PLXDC2: variants seen among roughly 807,000 people sequenced by gnomAD.
The protein encoded by PLXDC2 is plexin domain containing 2, also known as plexin domain-containing protein 2.
A neutral mutation model predicts 68.9 loss-of-function variants in PLXDC2; 40 were observed. The observed-to-expected ratio is 0.58, with a 90% CI of 0.45 to 0.76. The LOEUF is 0.76. Ranked by LOEUF, PLXDC2 falls within the 30% of genes least tolerant of loss-of-function variation. The pLI, the probability that PLXDC2 is intolerant of heterozygous loss-of-function variation, is 0.00. For synonymous variants in PLXDC2, 243 were observed against 234.2 expected (o/e 1.04, Z -0.34); for missense variants, 644 against 661.9 (o/e 0.97, Z 0.30).
intron 6 of PLXDC2, among the ~76,000 whole-genome samples, chr10:20,148,278 C>T (rs1196013880): frequency 5.2e-5 from 7 of 135,666 alleles, no homozygotes; most frequent in Admixed American, 1.5e-4. Context: ...TTTTTTTTTT[C>T]ACCTGGTTGA....
At chr10:20,076,037 C>A (rs569612433) in intron 4 of PLXDC2, among the ~76,000 whole-genome samples, 33 of 152,136 alleles carry the variant, frequency 2.2e-4, no homozygotes, top group Non-Finnish European at 4.6e-4. Flanking sequence ...AGCAGTAATT[C>A]AGATAAATAG....
At chr10:20,156,971 G>T (rs1834225165) in intron 6 of PLXDC2, among the ~76,000 whole-genome samples, 1 of 152,194 alleles carries the variant, frequency 6.6e-6, no homozygotes, top group Non-Finnish European at 1.5e-5. Flanking sequence ...CCAGGCTGGA[G>T]TGCAATGGCA....
rs10082376 is a variant in PLXDC2, at chr10:20,186,557, C to G, written c.1061+9148C>G. ...CAATAGTTACTTTTTCTGATCCTCT[C>G]CATCCTCCCACCCTCCGCCCTCTGG... On this transcript the variant is annotated intron_variant, in intron 9 of 13. Coordinates refer to ENST00000377252, the MANE Select transcript of PLXDC2 (RefSeq NM_032812.9). 8.4e-3 allele frequency among the ~76,000 whole-genome samples: 1,280 copies of G among 151,990 alleles called. 16 individuals are homozygous for G. Among genetic ancestry groups the G allele is most frequent in the African/African-American group, 0.029 (1,199 of 41,494 alleles).
intron 4 of PLXDC2, among the ~76,000 whole-genome samples, chr10:20,126,458 C>CACACATGTTATATATGTATATAG (rs1833784119): frequency 6.0e-5 from 1 of 16,700 alleles, no homozygotes; most frequent in African/African-American, 1.3e-4. Context: ...TATGTATATA[C>CACACATGTTATATATGTATATAG]AACACACGTT....
chr10:20,254,724 C>T (rs977987218), intron 13 of PLXDC2, among the ~76,000 whole-genome samples: 3 of 151,930 alleles, frequency 2.0e-5, no homozygotes, highest in Admixed American at 2.0e-4. Flanking sequence ...GACAGCTTTC[C>T]AGAAATATAG....
intron 1 of PLXDC2, among the ~76,000 whole-genome samples, chr10:19,994,090 A>G (rs1379914602): frequency 6.6e-6 from 1 of 152,100 alleles, no homozygotes; most frequent in East Asian, 1.9e-4. Flanking sequence ...CTCCAAAAAG[A>G]CATGTGTTAT....
chr10:20,229,927 GA>G (rs1191588140), intron 12 of PLXDC2, among the ~76,000 whole-genome samples: 1 of 151,336 alleles, frequency 6.6e-6, no homozygotes, highest in Admixed American at 6.6e-5. Context: ...AGCCACTAAA[GA>G]AAAAAAATGC....
intron 2 of PLXDC2, among the ~76,000 whole-genome samples, chr10:20,044,249 CT>C (rs1207059868): frequency 8.5e-6 from 1 of 116,982 alleles, no homozygotes; most frequent in African/African-American, 3.8e-5. Flanking sequence ...TTCTTTCTTT[CT>C]TTCTTTCTTT....
chr10:20,179,667 T>C (rs1437290231), intron 9 of PLXDC2, among the ~76,000 whole-genome samples: 1 of 152,134 alleles, frequency 6.6e-6, no homozygotes, highest in African/African-American at 2.4e-5. Context: ...ATGAAATATA[T>C]GTTTAAACTT....
At chr10:20,143,935 T>C (rs756477418) in intron 5 of PLXDC2, among the ~76,000 whole-genome samples, 2 of 152,078 alleles carry the variant, frequency 1.3e-5, no homozygotes, top group Non-Finnish European at 2.9e-5. Flanking sequence ...TGAGAGCCTG[T>C]CAAGATTTAT....
rs1833576390 is a variant in PLXDC2 at position 20,112,861 on chromosome 10, A to G, written c.542-30434A>G. Among the ~76,000 whole-genome samples the G allele has an allele frequency of 2.6e-5, 4 of 152,250 alleles. No homozygotes were observed. The South Asian group carries it at 8.3e-4, about 32-fold the overall frequency. Reference sequence around the variant, plus strand: ...AAACACATTGCCAACAGGAAAATTAATGCTTTTATCAAATAAGCTCATTGC... The same window carrying G: ...AAACACATTGCCAACAGGAAAATTAGTGCTTTTATCAAATAAGCTCATTGC... On this transcript the variant is annotated intron_variant, in intron 4 of 13. Transcript: ENST00000377252.
At chr10:20,144,574 ATTCTC>A (rs1240716085) in intron 5 of PLXDC2, among the ~76,000 whole-genome samples, 1 of 152,166 alleles carries the variant, frequency 6.6e-6, no homozygotes, top group African/African-American at 2.4e-5. Context: ...GAACTATTAT[ATTCTC>A]TTCTCTTCCA....
rs527451831 is a variant in PLXDC2 at position 19,892,997 on chromosome 10, C to A, written c.112+75806C>A. On this transcript the variant is annotated intron_variant, in intron 1 of 13. Coordinates refer to ENST00000377252, the MANE Select transcript of PLXDC2 (RefSeq NM_032812.9). ...CAGATTCACTCAAGGCAGTTCAATT[C>A]CATAGATATTTAGAGATCTAGATTT... Among the ~76,000 whole-genome samples, 3 of 150,446 alleles carry A rather than the reference C, an allele frequency of 2.0e-5. No individual in the cohort carries two copies. The South Asian group carries it at 6.3e-4, about 32-fold the overall frequency.
chr10:19,961,583 C>G (rs1834154623), intron 1 of PLXDC2, among the ~76,000 whole-genome samples: 1 of 152,234 alleles, frequency 6.6e-6, no homozygotes, highest in Non-Finnish European at 1.5e-5. Context: ...GCTAGGTTAA[C>G]TTTCCAGGAA....
At chr10:20,031,942 C>G (rs1333192312) in intron 2 of PLXDC2, among the ~76,000 whole-genome samples, 1 of 152,044 alleles carries the variant, frequency 6.6e-6, no homozygotes, top group Non-Finnish European at 1.5e-5. Flanking sequence ...GCCTCAGCCT[C>G]CCGAGTAGCT....
chr10:20,068,252 C>T lies in PLXDC2; in HGVS notation c.541+13C>T. ...GTGGCAACCGGGGGTAAGTGGTTTT[C>T]TACCCATTCACCTTAAGTAATCTAT... On this transcript the variant is annotated intron_variant, in intron 4 of 13. Transcript: ENST00000377252. 1 of 1,595,768 alleles carries T rather than the reference C, an allele frequency of 6.3e-7. No homozygotes were observed. The highest frequency in any genetic ancestry group is 1.7e-5 in the Admixed American group (1 of 59,584).
intron 1 of PLXDC2, among the ~76,000 whole-genome samples, chr10:19,973,301 TATATATACTCAC>T (rs1343742010): frequency 1.7e-5 from 2 of 116,840 alleles, no homozygotes; most frequent in African/African-American, 3.0e-5. Context: ...TATATGTATA[TATATATACTCAC>T]ATATATATGT....
chr10:19,870,726 T>C (rs150164516), intron 1 of PLXDC2, among the ~76,000 whole-genome samples: 77 of 152,292 alleles, frequency 5.1e-4, no homozygotes, highest in Admixed American at 1.4e-3. Context: ...ACACCCAGCC[T>C]ACTACTACTA....
At chr10:19,879,455 C>G (rs1408613136) in intron 1 of PLXDC2, among the ~76,000 whole-genome samples, 1 of 152,070 alleles carries the variant, frequency 6.6e-6, no homozygotes, top group Non-Finnish European at 1.5e-5. Flanking sequence ...CGGTGCAAAT[C>G]AAATTGTGCC....
Sources: gnomAD v4.1 joint callset for allele counts (sites outside exome capture counted in the v4.1 genomes callset) on GRCh38, gnomAD v4.1.1 for gene constraint, MANE v1.5 for transcripts, NCBI Gene and HGNC (gene_info 2026-07-23, HGNC 2026-07-21) for gene names.